Variants in PLAAT1 observed in about 807,000 individuals in gnomAD.
PLAAT1 encodes H-REV107 protein-related protein.
PLAAT1 carries 13 observed loss-of-function variants against 16.4 expected under a neutral mutation model. That is an observed-to-expected ratio of 0.79 (90% CI 0.52 to 1.26). The LOEUF (loss-of-function observed/expected upper bound fraction) is 1.26. PLAAT1 is among the 50% of genes most tolerant of loss of function. PLAAT1 has a pLI of 0.00. For missense variants in PLAAT1, 218 were observed against 207.8 expected (o/e 1.05, Z -0.30); for synonymous variants, 73 against 78.4 (o/e 0.93, Z 0.36).
rs1436934024 is a variant in PLAAT1, at chr3:193,263,061, T to C, written c.231T>C (p.Asn77=). 2 of 1,614,132 alleles carry C rather than the reference T, an allele frequency of 1.2e-6. No individual in the cohort carries two copies. Among genetic ancestry groups the C allele is most frequent in the South Asian group, 1.1e-5 (1 of 91,080 alleles). Residue 77 remains asparagine (N), a synonymous_variant, in exon 3 of 4, where the codon AAT becomes AAC. Coordinates refer to ENST00000264735, the MANE Select transcript of PLAAT1 (RefSeq NM_020386.5). The part of the protein sequence containing the change: ...KMQLLKDVVG[N]DTYRINNKYD... ...AGCTCTTGAAGGATGTTGTGGGAAATGACACATACAGAATAAACAATAAAT... is the reference window on the plus strand; with the variant it reads ...AGCTCTTGAAGGATGTTGTGGGAAACGACACATACAGAATAAACAATAAAT...
At chr3:193,242,122 C>G (rs1313292297) in intron 1 of PLAAT1, among the ~76,000 whole-genome samples, 1 of 142,018 alleles carries the variant, frequency 7.0e-6, no homozygotes, top group South Asian at 2.2e-4. Flanking sequence ...TTTTTTTGCG[C>G]TTTTTTTTTT....
Position 193,241,520 on chromosome 3 carries a change from G to T in PLAAT1, c.-14G>T. Reference sequence around the variant, plus strand: ...CCTCCCGGTGCGAGAAGAAGACCCCGGCTTGAGAGTGAGGTGTGCTGGGCG... The same window carrying T: ...CCTCCCGGTGCGAGAAGAAGACCCCTGCTTGAGAGTGAGGTGTGCTGGGCG... On this transcript the variant is annotated 5_prime_UTR_variant, in exon 1 of 4. Transcript: ENST00000264735. 5 of 1,231,864 alleles carry T rather than the reference G, an allele frequency of 4.1e-6. No homozygotes were observed. Among genetic ancestry groups the T allele is most frequent in the Non-Finnish European group, 5.1e-6 (5 of 988,110 alleles). 76.3% of individuals were successfully genotyped at this position (1,231,864 alleles called of 1,614,324 possible). A position where few individuals can be genotyped will look rare whatever the true frequency, so the allele number is the denominator to read the frequency against.
chr3:193,251,403 A>C (rs1234846707), intron 1 of PLAAT1, among the ~76,000 whole-genome samples: 3 of 152,138 alleles, frequency 2.0e-5, no homozygotes, highest in Non-Finnish European at 4.4e-5. Context: ...CCAGAACCAC[A>C]CTGAACTACT....
intron 2 of PLAAT1, among the ~76,000 whole-genome samples, chr3:193,257,230 C>T (rs1362646588): frequency 6.6e-6 from 1 of 152,124 alleles, no homozygotes; most frequent in Non-Finnish European, 1.5e-5. Flanking sequence ...CCAGTGTGAG[C>T]CCCATGTTCA....
At chr3:193,252,683 A>G (rs1716235625) in intron 1 of PLAAT1, among the ~76,000 whole-genome samples, 1 of 152,134 alleles carries the variant, frequency 6.6e-6, no homozygotes. Context: ...TTATAGTTTT[A>G]CATATAAGTC....
chr3:193,259,005 A>G (rs1204346686), intron 2 of PLAAT1, among the ~76,000 whole-genome samples: 1 of 152,180 alleles, frequency 6.6e-6, no homozygotes, highest in Non-Finnish European at 1.5e-5. Context: ...AATCCTCAAC[A>G]AAAGACCAAC....
intron 1 of PLAAT1, among the ~76,000 whole-genome samples, chr3:193,245,735 A>G (rs938676806): frequency 5.3e-5 from 8 of 152,226 alleles, no homozygotes; most frequent in African/African-American, 1.9e-4. Flanking sequence ...TCTAACAAGC[A>G]TGAGGAGATA....
Position 193,262,985 on chromosome 3 carries a change from C to T in PLAAT1, c.155C>T (p.Ser52Phe), listed in dbSNP as rs572328446. Residue 52 changes from serine (S) to phenylalanine (F), a missense_variant, in exon 3 of 4, where the codon TCC (serine) becomes TTC (phenylalanine). Ser to Phe is a radical substitution (Grantham distance 155). Coordinates refer to ENST00000264735, the MANE Select transcript of PLAAT1 (RefSeq NM_020386.5). ...TACTTTATAGATGGCATTCCTGCGT[C>T]CTTTACAAGCGCCAAGTCTGTATTC... ...NIAPVDGIPA[S>F]FTSAKSVFSS... 1 of 1,614,170 alleles carries T rather than the reference C, an allele frequency of 6.2e-7. No homozygotes were observed. Among genetic ancestry groups the T allele is most frequent in the South Asian group, 1.1e-5 (1 of 91,076 alleles).
intron 1 of PLAAT1, among the ~76,000 whole-genome samples, chr3:193,254,274 T>G (rs1459147381): frequency 3.3e-5 from 5 of 152,174 alleles, no homozygotes; most frequent in Non-Finnish European, 7.4e-5. Context: ...CTAACATTAA[T>G]TGTTATAAAA....
chr3:193,241,217 C>G (rs1338495924), upstream of PLAAT1: 1 of 1,223,812 alleles, frequency 8.2e-7, no homozygotes, highest in African/African-American at 1.6e-5. Context: ...GGGCGGCTCC[C>G]CATGGTCAGA....
intron 2 of PLAAT1, among the ~76,000 whole-genome samples, chr3:193,260,308 T>A (rs1486082335): frequency 6.6e-6 from 1 of 152,178 alleles, no homozygotes; most frequent in East Asian, 1.9e-4. Flanking sequence ...AAATAATTTA[T>A]GTCTAAGTCT....
At chr3:193,274,873 A>C, downstream of PLAAT1, 1 of 870,330 alleles carries the variant, frequency 1.1e-6, no homozygotes, top group South Asian at 1.7e-5. Flanking sequence ...ATACAGTCAG[A>C]ATAAGCCTAT....
chr3:193,244,296 A>G (rs1324200077), intron 1 of PLAAT1, among the ~76,000 whole-genome samples: 2 of 152,180 alleles, frequency 1.3e-5, no homozygotes, highest in African/African-American at 2.4e-5. Flanking sequence ...GTTACAAGCT[A>G]AACTTTTAAG....
At chr3:193,262,638 A>G (rs1404435645) in intron 2 of PLAAT1, among the ~76,000 whole-genome samples, 2 of 152,168 alleles carry the variant, frequency 1.3e-5, no homozygotes, top group Non-Finnish European at 2.9e-5. Flanking sequence ...TCTATGTTAG[A>G]CACACATACC....
downstream of PLAAT1, chr3:193,275,045 CA>C (rs567445309): frequency 6.2e-4 from 1,002 of 1,614,074 alleles, 14 homozygotes; most frequent in Admixed American, 0.016. Context: ...ATTCTGATTA[CA>C]GCCTGGCCCA....
chr3:193,247,674 T>A (rs986346096), intron 1 of PLAAT1, among the ~76,000 whole-genome samples: 7 of 152,224 alleles, frequency 4.6e-5, no homozygotes, highest in African/African-American at 1.7e-4. Flanking sequence ...ATTTTCCTTT[T>A]AATTTTTTAT....
At chr3:193,257,375 A>T (rs1716416872) in intron 2 of PLAAT1, among the ~76,000 whole-genome samples, 1 of 152,218 alleles carries the variant, frequency 6.6e-6, no homozygotes, top group Admixed American at 6.5e-5. Context: ...AACAGCCATT[A>T]AAAGTCTTAT....
At chr3:193,268,481 T>G (rs1353015936) in intron 3 of PLAAT1, among the ~76,000 whole-genome samples, 1 of 152,202 alleles carries the variant, frequency 6.6e-6, no homozygotes, top group Non-Finnish European at 1.5e-5. Context: ...GGATAAAGAA[T>G]GCAGAGTTGG....
chr3:193,279,378 G>A (rs1330555595), downstream of PLAAT1: 1 of 1,613,332 alleles, frequency 6.2e-7, no homozygotes. Context: ...CCATTCCACG[G>A]TATATAACTT....
Sources: gnomAD v4.1 joint callset for allele counts (sites outside exome capture counted in the v4.1 genomes callset) on GRCh38, gnomAD v4.1.1 for gene constraint, MANE v1.5 for transcripts, NCBI Gene and HGNC (gene_info 2026-07-23, HGNC 2026-07-21) for gene names.